The following SEL1L2 variants were observed in gnomAD, a reference collection of about 807,000 sequenced individuals.
SEL1L2 encodes protein sel-1 homolog 2.
Under a neutral mutation model 98.8 loss-of-function variants are expected in SEL1L2, and 89 were observed. The observed-to-expected ratio is 0.90, with a 90% CI of 0.76 to 1.07. The LOEUF (loss-of-function observed/expected upper bound fraction) is 1.07, where lower values mean the gene tolerates loss of function less well. SEL1L2 is among the 50% of genes least tolerant of loss of function. The probability of loss-of-function intolerance (pLI) is 0.00; values close to 1 mark genes in which losing one functional copy is unlikely to be tolerated. For synonymous variants in SEL1L2, 262 were observed against 278.5 expected (o/e 0.94, Z 0.59); for missense variants, 788 against 812.0 (o/e 0.97, Z 0.36).
At chr20:13,955,154 C>T (rs896934792) in intron 2 of SEL1L2, among the ~76,000 whole-genome samples, 1 of 152,036 alleles carries the variant, frequency 6.6e-6, no homozygotes. Context: ...CAAACAAAAC[C>T]CTTGCTCTCA....
intron 3 of SEL1L2, among the ~76,000 whole-genome samples, chr20:13,929,304 A>T (rs2049026505): frequency 6.6e-6 from 1 of 151,598 alleles, no homozygotes; most frequent in Admixed American, 6.6e-5. Context: ...CACTACACTG[A>T]CTTAGTACTT....
chr20:13,860,970 G>A (rs967595236), intron 17 of SEL1L2, among the ~76,000 whole-genome samples: 1 of 151,976 alleles, frequency 6.6e-6, no homozygotes, highest in African/African-American at 2.4e-5. Context: ...TAAGTCTAGG[G>A]GAATTATTCC....
intron 5 of SEL1L2, among the ~76,000 whole-genome samples, chr20:13,911,073 G>A (rs548470978): frequency 6.6e-6 from 1 of 152,194 alleles, no homozygotes; most frequent in Non-Finnish European, 1.5e-5. Context: ...TCTAGACTGA[G>A]TGTAAATGTC....
intron 3 of SEL1L2, among the ~76,000 whole-genome samples, chr20:13,919,545 C>CA (rs996432128): frequency 3.3e-4 from 50 of 151,882 alleles, no homozygotes; most frequent in African/African-American, 1.1e-3. Flanking sequence ...CACAGGATTC[C>CA]AAAAAAACAT....
chr20:13,871,214 T>C (rs1409863879), intron 12 of SEL1L2, among the ~76,000 whole-genome samples: 3 of 152,198 alleles, frequency 2.0e-5, no homozygotes, highest in Non-Finnish European at 4.4e-5. Context: ...ATCGTTGGTA[T>C]ATTTCTTTAT....
intron 5 of SEL1L2, among the ~76,000 whole-genome samples, chr20:13,895,167 G>C (rs751686145): frequency 2.6e-5 from 4 of 152,182 alleles, no homozygotes; most frequent in Non-Finnish European, 4.4e-5. Context: ...AATCAGGCTG[G>C]AGCAGTGGCT....
intron 1 of SEL1L2, among the ~76,000 whole-genome samples, chr20:13,964,705 C>T (rs1291789610): frequency 2.0e-5 from 3 of 152,030 alleles, no homozygotes; most frequent in Non-Finnish European, 2.9e-5. Flanking sequence ...CCATGCGCCT[C>T]GGCTTTCCAA....
Position 13,966,159 on chromosome 20 carries a change from G to T in SEL1L2, c.59-10028C>A, listed in dbSNP as rs1389271292. On this transcript the variant is annotated intron_variant, in intron 1 of 19. Transcript: ENST00000284951. ...TTATAAAAAATGCAGCATCTGTGAAGTGCTATAAAGTGAAGGGCAAGAAAA... is the reference window on the plus strand; with the variant it reads ...TTATAAAAAATGCAGCATCTGTGAATTGCTATAAAGTGAAGGGCAAGAAAA... Among the ~76,000 whole-genome samples the T allele has an allele frequency of 1.2e-3, 181 of 152,292 alleles. 3 individuals carry two copies. The highest frequency in any genetic ancestry group is 2.2e-4 in the Non-Finnish European group (15 of 68,028).
chr20:13,994,122 C>T (rs1044812071), upstream of SEL1L2, among the ~76,000 whole-genome samples: 4 of 151,726 alleles, frequency 2.6e-5, no homozygotes, highest in Non-Finnish European at 5.9e-5. Flanking sequence ...CGGTGAAAAC[C>T]CATGTTTACT....
chr20:13,941,319 C>A (rs960118124), intron 2 of SEL1L2, among the ~76,000 whole-genome samples: 1 of 152,178 alleles, frequency 6.6e-6, no homozygotes, highest in Non-Finnish European at 1.5e-5. Flanking sequence ...GATATCACTT[C>A]CCCTCATTAC....
intron 2 of SEL1L2, among the ~76,000 whole-genome samples, chr20:13,948,737 T>C (rs188711281): frequency 6.6e-6 from 1 of 152,308 alleles, no homozygotes; most frequent in East Asian, 1.9e-4. Context: ...AGGGATTTGG[T>C]CTAGGCCCTA....
In SEL1L2 at chr20:13,915,982, G is replaced by A. The variant is rs569935457; in HGVS notation, c.387-2038C>T. ...TGGTGTAGAACAACGGCTTATCTTC[G>A]AAACTTCTTTGCTGATGGGGAGTGA... On this transcript the variant is annotated intron_variant, in intron 4 of 19. Transcript: ENST00000284951. 1.4e-4 allele frequency among the ~76,000 whole-genome samples: 21 copies of A among 152,200 alleles called. 1 individual carries two copies. Among genetic ancestry groups the A allele is most frequent in the Admixed American group, 1.2e-3 (18 of 15,278 alleles).
At chr20:13,921,493 A>G (rs2048666070) in intron 3 of SEL1L2, among the ~76,000 whole-genome samples, 1 of 152,076 alleles carries the variant, frequency 6.6e-6, no homozygotes, top group Non-Finnish European at 1.5e-5. Context: ...AAATACTAAA[A>G]TACTATGATA....
intron 1 of SEL1L2, among the ~76,000 whole-genome samples, chr20:13,960,084 G>A (rs1333700353): frequency 6.6e-6 from 1 of 152,154 alleles, no homozygotes; most frequent in Non-Finnish European, 1.5e-5. Context: ...ATGTCTAGCA[G>A]TTTTTAAACT....
chr20:13,986,952 C>A (rs2263679), intron 1 of SEL1L2, among the ~76,000 whole-genome samples: 33,330 of 151,998 alleles, frequency 0.22, 4,250 homozygotes, highest in African/African-American at 0.36. Flanking sequence ...TCTGCCTCAG[C>A]CTCCCGAGTA....
At chr20:13,969,920 A>C (rs1187236342) in intron 1 of SEL1L2, among the ~76,000 whole-genome samples, 1 of 152,100 alleles carries the variant, frequency 6.6e-6, no homozygotes, top group African/African-American at 2.4e-5. Context: ...CGTTCTTGGT[A>C]CATCTTCAGG....
chr20:13,976,104 C>T (rs577755277), intron 1 of SEL1L2, among the ~76,000 whole-genome samples: 38 of 152,210 alleles, frequency 2.5e-4, no homozygotes, highest in South Asian at 8.3e-4. Flanking sequence ...CAGGTTCAAG[C>T]GATTCTCCTG....
At chr20:13,929,255 C>G (rs1369231961) in intron 3 of SEL1L2, among the ~76,000 whole-genome samples, 1 of 146,704 alleles carries the variant, frequency 6.8e-6, no homozygotes, top group Non-Finnish European at 1.5e-5. Flanking sequence ...ACATCTCCTA[C>G]TATTTTTTTT....
intron 1 of SEL1L2, among the ~76,000 whole-genome samples, chr20:13,982,052 C>T (rs1276011020): frequency 6.6e-6 from 1 of 152,196 alleles, no homozygotes; most frequent in Non-Finnish European, 1.5e-5. Context: ...GAGGCAACTG[C>T]TTTCTGGACT....
Sources: allele counts gnomAD v4.1 joint callset (sites outside exome capture counted in the v4.1 genomes callset), GRCh38; gene constraint gnomAD v4.1.1; transcripts MANE v1.5; gene names NCBI Gene and HGNC (gene_info 2026-07-23, HGNC 2026-07-21).